APLF: variants seen among roughly 807,000 people sequenced by gnomAD.
APLF encodes the protein aprataxin and PNKP like factor.
APLF carries 61 observed loss-of-function variants against 55.6 expected under a neutral mutation model. The observed-to-expected ratio is 1.10, with a 90% confidence interval of 0.89 to 1.36. APLF has a LOEUF of 1.36. Among genes scored for constraint, APLF ranks in the 40% most tolerant of loss-of-function variants. APLF has a pLI of 0.00. For missense variants in APLF, 611 were observed against 602.5 expected (o/e 1.01, Z -0.15); for synonymous variants, 207 against 214.8 (o/e 0.96, Z 0.32).
chr2:68,557,776 T>C (rs1461662631), intron 8 of APLF, among the ~76,000 whole-genome samples: 1 of 152,032 alleles, frequency 6.6e-6, no homozygotes, highest in Non-Finnish European at 1.5e-5. Context: ...GTTGGTGTGG[T>C]GATGCAAACC....
intron 5 of APLF, among the ~76,000 whole-genome samples, chr2:68,522,166 T>A (rs907920642): frequency 5.1e-4 from 77 of 151,984 alleles, no homozygotes; most frequent in African/African-American, 1.8e-3. Flanking sequence ...GAAATTCTCT[T>A]AATATTTTAG....
At chr2:68,476,340 G>A (rs1044171735) in intron 1 of APLF, among the ~76,000 whole-genome samples, 5 of 151,854 alleles carry the variant, frequency 3.3e-5, no homozygotes, top group Admixed American at 6.6e-5. Context: ...ACAAACAGCC[G>A]GCTGTGGTGG....
At chr2:68,482,507 G>A (rs897533039) in intron 1 of APLF, among the ~76,000 whole-genome samples, 5 of 152,174 alleles carry the variant, frequency 3.3e-5, no homozygotes, top group African/African-American at 1.2e-4. Context: ...AGCTGGCTTG[G>A]AGACAGGGTC....
At chr2:68,541,971 C>T (rs1391372181) in intron 7 of APLF, among the ~76,000 whole-genome samples, 1 of 151,954 alleles carries the variant, frequency 6.6e-6, no homozygotes, top group Non-Finnish European at 1.5e-5. Flanking sequence ...ACTAGAGAGC[C>T]TATAAATAAA....
chr2:68,550,322 T>C (rs1221818352), intron 8 of APLF, among the ~76,000 whole-genome samples: 2 of 151,960 alleles, frequency 1.3e-5, no homozygotes, highest in African/African-American at 4.8e-5. Flanking sequence ...ATCTCCGCCT[T>C]CCAGGTTCAG....
At chr2:68,490,296 A>C (rs757358865) in intron 2 of APLF, 35 bp downstream of exon 2, 5 of 1,576,802 alleles carry the variant, frequency 3.2e-6, no homozygotes, top group Non-Finnish European at 4.3e-6. Context: ...TTTAACTTTC[A>C]TCTCTTACCC....
At chr2:68,518,440 A>T (rs1669730556) in intron 5 of APLF, among the ~76,000 whole-genome samples, 1 of 113,152 alleles carries the variant, frequency 8.8e-6, no homozygotes, top group Non-Finnish European at 1.6e-5. Context: ...TATATAATAT[A>T]TAATAATATA....
chr2:68,560,108 C>T (rs1671129728), intron 8 of APLF, among the ~76,000 whole-genome samples: 1 of 152,072 alleles, frequency 6.6e-6, no homozygotes, highest in South Asian at 2.1e-4. Context: ...TCAGAAATGC[C>T]GTCTCTGACC....
chr2:68,567,372 CAT>C lies in APLF; in HGVS notation c.1320_1321del (p.His440GlnfsTer11). ...KNPQHKIEYRHNTLPVRNVLD... is the reference protein window; with the variant it reads ...KNPQHKIEYRXNTLPVRNVLD... ...TCCCCAGCACAAGATAGAATATAGA[CAT>C]AATACGCTTCCAGGTAAGTAAGTTT... On this transcript the variant is annotated frameshift_variant, in exon 9 of 10. Coordinates refer to ENST00000303795, the MANE Select transcript of APLF (RefSeq NM_173545.3). LOFTEE classifies it high-confidence loss of function. 6.2e-7 allele frequency: 1 copy of C among 1,603,270 alleles called. No homozygotes were observed. Among genetic ancestry groups the C allele is most frequent in the Non-Finnish European group, 8.5e-7 (1 of 1,175,090 alleles).
intron 5 of APLF, among the ~76,000 whole-genome samples, chr2:68,524,271 T>C (rs368315987): frequency 1.3e-5 from 2 of 152,324 alleles, no homozygotes; most frequent in Non-Finnish European, 2.9e-5. Flanking sequence ...TTAAATAATT[T>C]AGTTAAAATT....
At position 68,580,018 on chromosome 2, in the gene APLF, T is replaced by C; in HGVS notation, c.*1996T>C. 1 of 904,492 alleles carries C rather than the reference T, an allele frequency of 1.1e-6. No homozygotes were observed. The highest frequency in any genetic ancestry group is 1.3e-6 in the Non-Finnish European group (1 of 756,204). The allele number at this position is 904,492 out of a possible 1,614,324, so 56.0% of individuals were successfully genotyped here. A position where few individuals can be genotyped will look rare whatever the true frequency, so the allele number is the denominator to read the frequency against. ...CCAGTCTTTTAGAAGGAAAAAAATA[T>C]TTAATATCAAAGGATATTCTTCGTA... On this transcript the variant is annotated 3_prime_UTR_variant, in exon 10 of 10. Transcript: ENST00000303795.
intron 2 of APLF, among the ~76,000 whole-genome samples, chr2:68,495,020 A>AC (rs1676497323): frequency 2.0e-5 from 3 of 151,962 alleles, no homozygotes; most frequent in Non-Finnish European, 4.4e-5. Context: ...AGGTATCCCC[A>AC]CCCCCATGAT....
chr2:68,481,850 G>A (rs569171503), intron 1 of APLF, among the ~76,000 whole-genome samples: 8 of 151,476 alleles, frequency 5.3e-5, no homozygotes, highest in South Asian at 2.1e-4. Context: ...CTTTAAGTTC[G>A]GAAATTCTTC....
chr2:68,533,431 C>G (rs1558545134), intron 6 of APLF, among the ~76,000 whole-genome samples: 1 of 152,142 alleles, frequency 6.6e-6, no homozygotes, highest in African/African-American at 2.4e-5. Flanking sequence ...AGTGTTTTAA[C>G]TGTCTATTGC....
In APLF at chr2:68,467,845, C is replaced by T. The variant is rs909395983; in HGVS notation, c.96+18C>T. 1.1e-5 allele frequency: 14 copies of T among 1,231,342 alleles called. No individual in the cohort carries two copies. In the African/African-American group the frequency reaches 1.7e-4, roughly 15 times the overall value. 76.3% of individuals were successfully genotyped at this position (1,231,342 alleles called of 1,614,324 possible). A position where few individuals can be genotyped will look rare whatever the true frequency, so the allele number is the denominator to read the frequency against. ...TGCTGGGAGTAAGTGTGGGCGGGGG[C>T]TTAGCGGACCCCGAGAGCCGTGGAG... On this transcript the variant is annotated intron_variant, in intron 1 of 9. Transcript: ENST00000303795.
intron 1 of APLF, among the ~76,000 whole-genome samples, chr2:68,486,733 G>C (rs1485153191): frequency 6.6e-6 from 1 of 152,126 alleles, no homozygotes; most frequent in Admixed American, 6.6e-5. Flanking sequence ...TTTGAAGAAT[G>C]TGTGTTGTGA....
chr2:68,492,261 G>A (rs560915263), intron 2 of APLF, among the ~76,000 whole-genome samples: 58 of 152,176 alleles, frequency 3.8e-4, no homozygotes, highest in African/African-American at 1.4e-3. Context: ...GGTGGATCAC[G>A]AGGTCAGGAG....
chr2:68,578,065 C>T lies in APLF; in HGVS notation c.*43C>T, dbSNP rs1359258536. On this transcript the variant is annotated 3_prime_UTR_variant, in exon 10 of 10. Transcript: ENST00000303795. ...CATATCTGCCTTACATTTACTTTTT[C>T]TTTGTGGGAAAACATTTATGAACTA... 6.3e-7 allele frequency: 1 copy of T among 1,575,514 alleles called. No homozygotes were observed. The highest frequency in any genetic ancestry group is 8.6e-7 in the Non-Finnish European group (1 of 1,162,314).
intron 5 of APLF, among the ~76,000 whole-genome samples, chr2:68,524,939 T>C (rs1339671082): frequency 6.6e-6 from 1 of 152,182 alleles, no homozygotes; most frequent in Non-Finnish European, 1.5e-5. Flanking sequence ...TTTGGGTATT[T>C]TATGGGATAC....
Sources: allele counts gnomAD v4.1 joint callset (sites outside exome capture counted in the v4.1 genomes callset), GRCh38; gene constraint gnomAD v4.1.1; transcripts MANE v1.5; gene names NCBI Gene and HGNC (gene_info 2026-07-23, HGNC 2026-07-21).